The following DOCK3 variants were observed in gnomAD, a reference collection of about 807,000 sequenced individuals.
DOCK3 encodes the protein dedicator of cytokinesis protein 3.
Under a neutral mutation model 265.6 loss-of-function variants are expected in DOCK3, and 60 were observed. That is an observed-to-expected ratio of 0.23 (90% CI 0.18 to 0.28). The LOEUF is 0.28. DOCK3 is among the 10% of genes least tolerant of loss of function. DOCK3 has a pLI of 1.00. For missense variants in DOCK3, 1,981 were observed against 2,594.3 expected (o/e 0.76, Z 5.14); for synonymous variants, 881 against 938.0 (o/e 0.94, Z 1.11).
chr3:51,053,078 GATATATATATATAT>G (rs59382660), intron 5 of DOCK3, among the ~76,000 whole-genome samples: 868 of 43,814 alleles, frequency 0.02, 76 homozygotes, highest in South Asian at 0.15. Context: ...AAAAGTCAAA[GATATATATATATAT>G]ATATATATAT....
intron 2 of DOCK3, chr3:50,787,822 T>C (rs1330957435): frequency 9.0e-7 from 1 of 1,112,062 alleles, no homozygotes; most frequent in Non-Finnish European, 1.3e-6. Flanking sequence ...CTCTCTCTCT[T>C]CCTCCTCATT....
At chr3:51,248,537 T>C (rs374627497) in intron 22 of DOCK3, among the ~76,000 whole-genome samples, 115 of 152,218 alleles carry the variant, frequency 7.6e-4, no homozygotes, top group African/African-American at 2.7e-3. Flanking sequence ...TGATCTCGGC[T>C]CGCTACAACC....
chr3:51,304,957 T>C lies in DOCK3; in HGVS notation c.2923-5275T>C, dbSNP rs1214279735. ...TTTTAAATTTATTGGGACTTTCTTA[T>C]GGCCTAACATATGATCTGTCCTAGA... On this transcript the variant is annotated intron_variant, in intron 27 of 52. Coordinates refer to ENST00000266037, the MANE Select transcript of DOCK3 (RefSeq NM_004947.5). Among the ~76,000 whole-genome samples, 3 of 152,242 alleles carry C rather than the reference T, an allele frequency of 2.0e-5. No homozygotes were observed. In the East Asian group the frequency reaches 5.8e-4, roughly 29 times the overall value.
intron 2 of DOCK3, chr3:50,788,343 A>G (rs2042290984): frequency 3.8e-6 from 1 of 261,714 alleles, no homozygotes; most frequent in Non-Finnish European, 7.2e-6. Context: ...GCTTTAAAAC[A>G]AGGTAATTAT....
At chr3:50,818,005 C>T (rs925857214) in intron 2 of DOCK3, among the ~76,000 whole-genome samples, 4 of 152,184 alleles carry the variant, frequency 2.6e-5, no homozygotes, top group South Asian at 4.1e-4. Context: ...AAGCCTCTGC[C>T]GTTGTCCTGG....
intron 1 of DOCK3, among the ~76,000 whole-genome samples, chr3:50,731,006 C>T (rs2038175340): frequency 6.6e-6 from 1 of 151,528 alleles, no homozygotes; most frequent in Admixed American, 6.6e-5. Context: ...GTGGTGGGCG[C>T]CTATAGTCCC....
intron 5 of DOCK3, among the ~76,000 whole-genome samples, chr3:50,952,527 C>T (rs1290805621): frequency 6.6e-6 from 1 of 152,162 alleles, no homozygotes; most frequent in African/African-American, 2.4e-5. Flanking sequence ...CATATATTTT[C>T]ATGCTCAATA....
At chr3:50,899,187 A>T (rs559972562) in intron 4 of DOCK3, among the ~76,000 whole-genome samples, 45 of 152,256 alleles carry the variant, frequency 3.0e-4, no homozygotes, top group Admixed American at 2.7e-3. Flanking sequence ...TATATTTAGG[A>T]TAGTTAGCTC....
intron 9 of DOCK3, among the ~76,000 whole-genome samples, chr3:51,120,974 T>C (rs1459049611): frequency 6.6e-6 from 1 of 152,066 alleles, no homozygotes; most frequent in Non-Finnish European, 1.5e-5. Flanking sequence ...GGGGAGTGAA[T>C]GGTTCTGTCT....
At chr3:50,903,159 A>C (rs1262475815) in intron 4 of DOCK3, among the ~76,000 whole-genome samples, 1 of 151,924 alleles carries the variant, frequency 6.6e-6, no homozygotes, top group South Asian at 2.1e-4. Context: ...TGAATACTTT[A>C]TTTCTCTTGC....
At chr3:50,783,072 A>C (rs2042007221) in intron 2 of DOCK3, among the ~76,000 whole-genome samples, 1 of 149,498 alleles carries the variant, frequency 6.7e-6, no homozygotes, top group Admixed American at 6.8e-5. Context: ...TTATGCACTC[A>C]TTGACTGATG....
chr3:50,917,254 C>G (rs2050177690), intron 4 of DOCK3, among the ~76,000 whole-genome samples: 1 of 151,958 alleles, frequency 6.6e-6, no homozygotes, highest in Non-Finnish European at 1.5e-5. Flanking sequence ...AGAGATTAAC[C>G]ATTCTTTAAA....
At position 51,341,297 on chromosome 3, in the gene DOCK3, G is replaced by T; in HGVS notation, c.3827G>T (p.Arg1276Leu). 2 of 1,612,444 alleles carry T rather than the reference G, an allele frequency of 1.2e-6. No individual in the cohort carries two copies. Among genetic ancestry groups the T allele is most frequent in the Non-Finnish European group, 1.7e-6 (2 of 1,179,074 alleles). ...CTGCAGTGGGAGGACCGGCCACTAC[G>T]GGAATTCCTCCACTACCCATCGCAG... ...ELLQWEDRPLREFLHYPSQTE... is the reference protein window; with the variant it reads ...ELLQWEDRPLLEFLHYPSQTE... The change falls in exon 38 of 53, where the codon CGG (arginine) becomes CTG (leucine). Residue 1276 changes from arginine (R) to leucine (L), a missense_variant. Physicochemically the swap from Arg to Leu is moderately radical, Grantham distance 102 (BLOSUM62 -2). This residue lies in a region of DOCK3 where 1,357 missense variants were observed against 1,866.8 expected (regional missense o/e 0.73). Coordinates refer to ENST00000266037, the MANE Select transcript of DOCK3 (RefSeq NM_004947.5).
intron 5 of DOCK3, among the ~76,000 whole-genome samples, chr3:51,001,365 G>C (rs1364789627): frequency 6.6e-6 from 1 of 152,096 alleles, no homozygotes; most frequent in Non-Finnish European, 1.5e-5. Context: ...GAAACATTTG[G>C]CTCTGACTGA....
Position 51,315,083 on chromosome 3 carries a change from T to C in DOCK3, c.3357T>C (p.His1119=), listed in dbSNP as rs1183967181. The stretch of plus-strand genomic sequence containing the variant: ...GGAATATCATGATTCCCATCTTTCA[T>C]GACATGATGGACTGGGAGCAGAGAA... ...EVRNIMIPIF[H]DMMDWEQRKN... is the part of the protein sequence containing the mutation. The change falls in exon 32 of 53, where the codon CAT becomes CAC. Residue 1119 remains histidine, a synonymous_variant. Transcript: ENST00000266037. The C allele has an allele frequency of 1.7e-5, 28 of 1,612,476 alleles. No homozygotes were observed. In the Middle Eastern group the frequency reaches 4.9e-4, roughly 28 times the overall value.
At chr3:51,368,422 CAG>C (rs1439328665) in intron 49 of DOCK3, among the ~76,000 whole-genome samples, 2 of 152,216 alleles carry the variant, frequency 1.3e-5, no homozygotes, top group Admixed American at 6.5e-5. Flanking sequence ...GCGCCTGACT[CAG>C]GGGATCCCAC....
At position 50,751,905 on chromosome 3, in the gene DOCK3, G is replaced by A. The variant is rs573358896; in HGVS notation, c.38-26770G>A. On this transcript the variant is annotated intron_variant, in intron 1 of 52. Coordinates refer to ENST00000266037, the MANE Select transcript of DOCK3 (RefSeq NM_004947.5). Reference sequence around the variant, plus strand: ...GGAGGAGCTTCTTATAAAACCATCAGATCTCCTGAAAACTCACTCATTATC... The same window carrying A: ...GGAGGAGCTTCTTATAAAACCATCAAATCTCCTGAAAACTCACTCATTATC... 8.5e-5 allele frequency among the ~76,000 whole-genome samples: 13 copies of A among 152,100 alleles called. No homozygotes were observed. The East Asian group carries it at 2.5e-3, about 30-fold the overall frequency.
chr3:50,894,940 C>G (rs1234834949), intron 4 of DOCK3, among the ~76,000 whole-genome samples: 1 of 152,066 alleles, frequency 6.6e-6, no homozygotes, highest in Non-Finnish European at 1.5e-5. Context: ...GGTCTCCCAG[C>G]TGTATTTGAC....
At chr3:50,966,846 C>T (rs2077048270) in intron 5 of DOCK3, among the ~76,000 whole-genome samples, 1 of 152,018 alleles carries the variant, frequency 6.6e-6, no homozygotes, top group African/African-American at 2.4e-5. Flanking sequence ...TTGGAAACAA[C>T]ACAACAAAAG....
Sources: gnomAD v4.1 joint callset for allele counts (sites outside exome capture counted in the v4.1 genomes callset) on GRCh38, gnomAD v4.1.1 for gene constraint, gnomAD v4.1.1 regional missense constraint, MANE v1.5 for transcripts, NCBI Gene and HGNC (gene_info 2026-07-23, HGNC 2026-07-21) for gene names.